Variants in TBC1D9 observed in about 807,000 individuals in gnomAD.
TBC1D9 encodes the protein TBC1 domain family member 9A.
TBC1D9 carries 63 observed loss-of-function variants against 132.0 expected under a neutral mutation model. That is an observed-to-expected ratio of 0.48 (90% CI 0.39 to 0.59). The LOEUF (loss-of-function observed/expected upper bound fraction) is 0.59, where lower values mean the gene tolerates loss of function less well. Among genes scored for constraint, TBC1D9 ranks in the 20% least tolerant of loss-of-function variants. The probability of loss-of-function intolerance (pLI) is 0.00; values close to 1 mark genes in which losing one functional copy is unlikely to be tolerated. For missense variants in TBC1D9, 1,261 were observed against 1,592.7 expected (o/e 0.79, Z 3.54); for synonymous variants, 610 against 609.9 (o/e 1.00, Z 0.00).
At chr4:140,702,422 G>A (rs1285063954) in intron 1 of TBC1D9, among the ~76,000 whole-genome samples, 1 of 152,226 alleles carries the variant, frequency 6.6e-6, no homozygotes, top group African/African-American at 2.4e-5. Context: ...AAATTGACAA[G>A]GAAAAGGAAA....
chr4:140,637,557 C>A (rs911473807), intron 15 of TBC1D9, among the ~76,000 whole-genome samples: 2 of 152,184 alleles, frequency 1.3e-5, no homozygotes, highest in Non-Finnish European at 2.9e-5. Context: ...CCTGGCCCTG[C>A]CCCCATGCCC....
intron 15 of TBC1D9, among the ~76,000 whole-genome samples, chr4:140,635,260 C>A (rs1736859967): frequency 6.6e-6 from 1 of 152,040 alleles, no homozygotes. Context: ...AGAGGATCGC[C>A]TGAGCCCAGG....
chr4:140,682,366 T>C (rs568101176), intron 3 of TBC1D9, among the ~76,000 whole-genome samples: 1 of 152,090 alleles, frequency 6.6e-6, no homozygotes, highest in African/African-American at 2.4e-5. Flanking sequence ...GGGAGCTCAA[T>C]TTTGGACCCA....
chr4:140,755,804 G>T, intron 1 of TBC1D9, 112 bp downstream of exon 1: 1 of 1,367,432 alleles, frequency 7.3e-7, no homozygotes, highest in South Asian at 1.7e-5. Flanking sequence ...GGCAGGGCGG[G>T]TCGCCCAGCC....
At chr4:140,704,041 T>A (rs1299209510) in intron 1 of TBC1D9, among the ~76,000 whole-genome samples, 1 of 152,144 alleles carries the variant, frequency 6.6e-6, no homozygotes, top group Non-Finnish European at 1.5e-5. Context: ...CTACTACAAG[T>A]GTCATATATG....
At chr4:140,666,485 G>A (rs1317661529) in intron 9 of TBC1D9, among the ~76,000 whole-genome samples, 2 of 152,096 alleles carry the variant, frequency 1.3e-5, no homozygotes, top group Non-Finnish European at 2.9e-5. Flanking sequence ...ACAGGCGCCC[G>A]CCACCGCGCC....
intron 1 of TBC1D9, among the ~76,000 whole-genome samples, chr4:140,742,471 G>A (rs1738773656): frequency 6.9e-6 from 1 of 144,248 alleles, no homozygotes; most frequent in South Asian, 2.2e-4. Context: ...GGTGGAGGTT[G>A]CAGTGAGCCG....
intron 1 of TBC1D9, among the ~76,000 whole-genome samples, chr4:140,724,823 A>G (rs1027985921): frequency 5.9e-4 from 90 of 152,306 alleles, no homozygotes; most frequent in African/African-American, 2.1e-3. Context: ...ATGTTCAACA[A>G]CACTTAAAAG....
intron 6 of TBC1D9, among the ~76,000 whole-genome samples, chr4:140,674,015 A>C (rs576951240): frequency 3.7e-4 from 56 of 152,346 alleles, no homozygotes; most frequent in Middle Eastern, 3.4e-3. Context: ...TGATTCATTC[A>C]GGTCATAAAT....
At chr4:140,724,279 CT>C (rs1738466135) in intron 1 of TBC1D9, among the ~76,000 whole-genome samples, 1 of 152,128 alleles carries the variant, frequency 6.6e-6, no homozygotes, top group African/African-American at 2.4e-5. Context: ...GGGATACAAG[CT>C]AAGGACGGAG....
intron 1 of TBC1D9, among the ~76,000 whole-genome samples, chr4:140,732,481 T>C (rs1254241629): frequency 6.6e-6 from 1 of 152,228 alleles, no homozygotes; most frequent in Non-Finnish European, 1.5e-5. Context: ...TTTGGGAAAT[T>C]AGAACACCTT....
At chr4:140,673,912 G>A (rs1446676336) in intron 6 of TBC1D9, among the ~76,000 whole-genome samples, 1 of 152,184 alleles carries the variant, frequency 6.6e-6, no homozygotes, top group African/African-American at 2.4e-5. Flanking sequence ...CCGGGAGGGG[G>A]AAGCCAGAAG....
chr4:140,627,173 G>A (rs1047001319), intron 18 of TBC1D9, among the ~76,000 whole-genome samples: 1 of 152,200 alleles, frequency 6.6e-6, no homozygotes, highest in Non-Finnish European at 1.5e-5. Flanking sequence ...GCTGATCCTG[G>A]CAGAAAGAGG....
intron 9 of TBC1D9, among the ~76,000 whole-genome samples, chr4:140,666,903 C>A (rs1737455872): frequency 6.6e-6 from 1 of 152,186 alleles, no homozygotes; most frequent in Admixed American, 6.5e-5. Flanking sequence ...TGGCCAAGGC[C>A]TTGTCTCTGA....
At chr4:140,667,861 C>T (rs997321379) in intron 9 of TBC1D9, among the ~76,000 whole-genome samples, 2 of 152,134 alleles carry the variant, frequency 1.3e-5, no homozygotes, top group Non-Finnish European at 2.9e-5. Flanking sequence ...ATTTCTGAGA[C>T]ATTTATACAT....
chr4:140,642,529 T>C (rs1737020191), intron 13 of TBC1D9: 1 of 1,163,888 alleles, frequency 8.6e-7, no homozygotes, highest in South Asian at 1.3e-5. Context: ...CTTCAACTTG[T>C]CCTGCTTGGT....
chr4:140,752,932 G>A (rs2111088449), intron 1 of TBC1D9, among the ~76,000 whole-genome samples: 1 of 152,216 alleles, frequency 6.6e-6, no homozygotes, highest in East Asian at 1.9e-4. Flanking sequence ...GTGTACACAT[G>A]TACACTGATC....
chr4:140,678,466 C>T (rs1023588671), intron 5 of TBC1D9, among the ~76,000 whole-genome samples: 4 of 152,198 alleles, frequency 2.6e-5, no homozygotes, highest in Non-Finnish European at 5.9e-5. Flanking sequence ...TGCAGCCTCT[C>T]CTCATCCCAT....
intron 10 of TBC1D9, among the ~76,000 whole-genome samples, chr4:140,660,861 A>G (rs1394307389): frequency 6.6e-6 from 1 of 152,060 alleles, no homozygotes; most frequent in Non-Finnish European, 1.5e-5. Flanking sequence ...AGCCTCTTTT[A>G]GCTTTTGCTG....
Sources: allele counts gnomAD v4.1 joint callset (sites outside exome capture counted in the v4.1 genomes callset), GRCh38; gene constraint gnomAD v4.1.1; transcripts MANE v1.5; gene names NCBI Gene and HGNC (gene_info 2026-07-23, HGNC 2026-07-21).